CREG2: variants seen among roughly 807,000 people sequenced by gnomAD.
CREG2 encodes the protein cellular repressor of E1A stimulated genes 2.
A neutral mutation model predicts 26.2 loss-of-function variants in CREG2; 24 were observed. The ratio of observed to expected loss-of-function variants is 0.92; its 90% CI spans 0.66 to 1.29. The LOEUF (loss-of-function observed/expected upper bound fraction) is 1.29, where lower values mean the gene tolerates loss of function less well. CREG2 is among the 50% of genes most tolerant of loss of function. The pLI is 0.00. For missense variants in CREG2, 366 were observed against 398.6 expected, an observed-to-expected ratio of 0.92 and a Z score of 0.70; for synonymous variants, 174 against 169.2, an observed-to-expected ratio of 1.03 and a Z score of -0.22.
At chr2:101,366,517 C>CA (rs1320064095) in intron 2 of CREG2, among the ~76,000 whole-genome samples, 3 of 151,962 alleles carry the variant, frequency 2.0e-5, no homozygotes, top group Non-Finnish European at 4.4e-5. Flanking sequence ...AGCTACAGTA[C>CA]AAAATAAGAA....
At chr2:101,385,097 A>G (rs1176893157) in intron 1 of CREG2, among the ~76,000 whole-genome samples, 3 of 152,218 alleles carry the variant, frequency 2.0e-5, no homozygotes, top group Non-Finnish European at 4.4e-5. Context: ...TGTTTACGGT[A>G]ACACAGATGG....
In CREG2 at chr2:101,346,799, G is replaced by A. The variant is rs763099062; in HGVS notation, c.*4124C>T. The A allele has an allele frequency of 9.2e-5, 14 of 152,190 alleles. No homozygotes were observed. Among genetic ancestry groups the A allele is most frequent in the Admixed American group, 2.6e-4 (4 of 15,272 alleles). 9.4% of individuals were successfully genotyped at this position (152,190 alleles called of 1,614,324 possible). On this transcript the variant is annotated 3_prime_UTR_variant, in exon 4 of 4. Transcript: ENST00000324768. Reference sequence around the variant, plus strand: ...GTAGATAACTGTAGATTCACATGCAGTTGTAAGAAATAATACAGAGATCCT... The same window carrying A: ...GTAGATAACTGTAGATTCACATGCAATTGTAAGAAATAATACAGAGATCCT...
rs751340570 is a variant in CREG2, at chr2:101,379,973, A to ATCTATCTG, written c.611+3559_611+3560insCAGATAGA. Among the ~76,000 whole-genome samples the ATCTATCTG allele has an allele frequency of 3.5e-5, 4 of 114,606 alleles. No individual in the cohort carries two copies. In the South Asian group the frequency reaches 7.7e-4, roughly 22 times the overall value. The allele number at this position is 114,606 out of a possible 152,430, so 75.2% of individuals were successfully genotyped here. ...AAGAGTTGAATGTGTGAAAGCTTCT[A>ATCTATCTG]TCTATCTATCTATCTATCTATCTAT... On this transcript the variant is annotated intron_variant, in intron 2 of 3. Transcript: ENST00000324768.
At chr2:101,352,764 T>C in intron 3 of CREG2, among the ~76,000 whole-genome samples, 1 of 152,100 alleles carries the variant, frequency 6.6e-6, no homozygotes, top group Non-Finnish European at 1.5e-5. Context: ...GCCGAGATCA[T>C]GCCACTGCAC....
intron 2 of CREG2, among the ~76,000 whole-genome samples, chr2:101,372,450 C>T (rs1455555903): frequency 6.6e-6 from 1 of 152,204 alleles, no homozygotes; most frequent in Admixed American, 6.5e-5. Flanking sequence ...TAACAGCTTT[C>T]CCTCCCAAAT....
chr2:101,355,165 G>A (rs958121009), intron 3 of CREG2, 88 bp downstream of exon 3: 1 of 823,042 alleles, frequency 1.2e-6, no homozygotes, highest in Non-Finnish European at 2.0e-6. Context: ...ATCACTTATT[G>A]CATCAGAGGC....
rs1422121204 is a variant in CREG2 at position 101,346,188 on chromosome 2, A to G, written c.*4735T>C. The G allele has an allele frequency of 2.0e-5, 3 of 152,186 alleles. No individual in the cohort carries two copies. The highest frequency in any genetic ancestry group is 7.2e-5 in the African/African-American group (3 of 41,432). 9.4% of individuals were successfully genotyped at this position (152,186 alleles called of 1,614,324 possible). ...CGACTCTCTTATAAACAGCTAATAT[A>G]TACAAGGCATATTGAAATAAGTAAC... On this transcript the variant is annotated 3_prime_UTR_variant, in exon 4 of 4. Coordinates refer to ENST00000324768, the MANE Select transcript of CREG2 (RefSeq NM_153836.4).
At chr2:101,367,601 T>G (rs11674064) in intron 2 of CREG2, among the ~76,000 whole-genome samples, 1 of 152,078 alleles carries the variant, frequency 6.6e-6, no homozygotes, top group Non-Finnish European at 1.5e-5. Context: ...CGCCCAAAGA[T>G]GTCTTAATCC....
At position 101,346,039 on chromosome 2, in the gene CREG2, A is replaced by G. The variant is rs1168443179; in HGVS notation, c.*4884T>C. The G allele has an allele frequency of 3.4e-5, 5 of 145,438 alleles. No homozygotes were observed. The allele number at this position is 145,438 out of a possible 1,614,324, so 9.0% of individuals were successfully genotyped here. A position where few individuals can be genotyped will look rare whatever the true frequency, so the allele number is the denominator to read the frequency against. ...TTTTTTGTAGAGATGAGGTCTCACT[A>G]TGTTGCCCAGGCTGCTCTTGAACTC... On this transcript the variant is annotated 3_prime_UTR_variant, in exon 4 of 4. Transcript: ENST00000324768.
At position 101,381,189 on chromosome 2, in the gene CREG2, G is replaced by A. The variant is rs563248397; in HGVS notation, c.611+2344C>T. Among the ~76,000 whole-genome samples, 5 of 152,288 alleles carry A rather than the reference G, an allele frequency of 3.3e-5. No individual in the cohort carries two copies. The East Asian group carries it at 9.7e-4, about 29-fold the overall frequency. ...CTTCAGGCCCGGCGACAGGCAGGAG[G>A]GGCACCTTGCTGGTACCTTGCCGGG... On this transcript the variant is annotated intron_variant, in intron 2 of 3. Transcript: ENST00000324768.
chr2:101,387,228 GA>G lies in CREG2; in HGVS notation c.229del (p.Ser77LeufsTer99). The G allele has an allele frequency of 1.4e-6, 2 of 1,422,468 alleles. No individual in the cohort carries two copies. The highest frequency in any genetic ancestry group is 9.3e-7 in the Non-Finnish European group (1 of 1,075,164). The allele number at this position is 1,422,468 out of a possible 1,614,324, so 88.1% of individuals were successfully genotyped here. A position where few individuals can be genotyped will look rare whatever the true frequency, so the allele number is the denominator to read the frequency against. ...CAGGTGCGCGTCCTCCTTGTGGGCA[GA>G]GGCGGGGAAGCTTTGCTGCCAGATG... Reference protein sequence around the residue: ...GSIWQQSFPASAHKEDAHLRP... With the variant: ...GSIWQQSFPAXAHKEDAHLRP... On this transcript the variant is annotated frameshift_variant, in exon 1 of 4. Coordinates refer to ENST00000324768, the MANE Select transcript of CREG2 (RefSeq NM_153836.4). LOFTEE classifies it high-confidence loss of function. This position sits in a 1 kb window ranked among gnomAD's most constrained non-coding sequence, Gnocchi z 4.7.
rs185345441 is a variant in CREG2, at chr2:101,367,843, C to T, written c.612-12477G>A. ...CCCTGAGATTGAGGTAAGCAAGGGG[C>T]CACAGGCCAAGGAATGCACGCGGCC... On this transcript the variant is annotated intron_variant, in intron 2 of 3. Coordinates refer to ENST00000324768, the MANE Select transcript of CREG2 (RefSeq NM_153836.4). Among the ~76,000 whole-genome samples, 560 of 152,284 alleles carry T rather than the reference C, an allele frequency of 3.7e-3. 3 individuals carry two copies. Among genetic ancestry groups the T allele is most frequent in the Middle Eastern group, 0.014 (4 of 294 alleles).
intron 2 of CREG2, among the ~76,000 whole-genome samples, chr2:101,365,224 G>A (rs115719592): frequency 6.6e-6 from 1 of 152,138 alleles, no homozygotes; most frequent in African/African-American, 2.4e-5. Context: ...TCTCCTGTTC[G>A]GTGCTAGCCT....
At chr2:101,357,679 A>T (rs992100701) in intron 2 of CREG2, among the ~76,000 whole-genome samples, 1 of 152,010 alleles carries the variant, frequency 6.6e-6, no homozygotes, top group East Asian at 1.9e-4. Context: ...ACATCACCTC[A>T]TTTTGTTTGA....
At position 101,345,704 on chromosome 2, in the gene CREG2, A is replaced by G. The variant is rs561785261; in HGVS notation, c.*5219T>C. On this transcript the variant is annotated 3_prime_UTR_variant, in exon 4 of 4. Transcript: ENST00000324768. ...TCATTACAATTCAAATTGTACAATA[A>G]TTGACTTTCTGTTATAGCAATCAAA... 4.6e-5 allele frequency: 7 copies of G among 152,220 alleles called. No individual in the cohort carries two copies. Among genetic ancestry groups the G allele is most frequent in the African/African-American group, 1.7e-4 (7 of 41,454 alleles). The allele number at this position is 152,220 out of a possible 1,614,324, so 9.4% of individuals were successfully genotyped here.
intron 2 of CREG2, among the ~76,000 whole-genome samples, chr2:101,365,933 G>T (rs1453544322): frequency 6.6e-6 from 1 of 152,064 alleles, no homozygotes; most frequent in Non-Finnish European, 1.5e-5. Flanking sequence ...TCACCCAATT[G>T]TTCATTCATC....
intron 2 of CREG2, among the ~76,000 whole-genome samples, chr2:101,361,258 A>G (rs1349209245): frequency 6.6e-6 from 1 of 152,242 alleles, no homozygotes; most frequent in East Asian, 1.9e-4. Context: ...TTCCTTCTAC[A>G]TGTGGTAGAC....
At chr2:101,351,219 G>A in intron 3 of CREG2, 149 bp from the exon 4 acceptor site, 1 of 733,860 alleles carries the variant, frequency 1.4e-6, no homozygotes, top group South Asian at 2.2e-5. Flanking sequence ...CTGAGTGTCA[G>A]TGCCTGGGAC....
intron 2 of CREG2, among the ~76,000 whole-genome samples, chr2:101,355,970 G>A (rs1393014803): frequency 5.9e-5 from 9 of 151,944 alleles, no homozygotes; most frequent in Non-Finnish European, 1.0e-4. Flanking sequence ...CCAGGTTCTT[G>A]TCTGGCATCC....
Sources: gnomAD v4.1 joint callset for allele counts (sites outside exome capture counted in the v4.1 genomes callset) on GRCh38, gnomAD v4.1.1 for gene constraint, Gnocchi (gnomAD v3.1) non-coding constraint, MANE v1.5 for transcripts, NCBI Gene and HGNC (gene_info 2026-07-23, HGNC 2026-07-21) for gene names.